The following CCDC92 variants were observed in gnomAD, a reference collection of about 807,000 sequenced individuals.
CCDC92 encodes coiled-coil domain-containing protein 92.
CCDC92 carries 12 observed loss-of-function variants against 24.9 expected under a neutral mutation model. The ratio of observed to expected loss-of-function variants is 0.48; its 90% confidence interval spans 0.31 to 0.78. The LOEUF (loss-of-function observed/expected upper bound fraction) is 0.78. Among genes scored for constraint, CCDC92 ranks in the 30% least tolerant of loss-of-function variants. The probability of loss-of-function intolerance (pLI) is 0.05; values close to 1 mark genes in which losing one functional copy is unlikely to be tolerated. For synonymous variants in CCDC92, 193 were observed against 196.3 expected (o/e 0.98, Z 0.14); for missense variants, 399 against 439.4 (o/e 0.91, Z 0.82).
At chr12:123,971,087 ATG>A (rs906805243) in intron 1 of CCDC92, among the ~76,000 whole-genome samples, 3 of 152,258 alleles carry the variant, frequency 2.0e-5, no homozygotes, top group East Asian at 3.8e-4. Flanking sequence ...TGTATTTAAA[ATG>A]TGTCACAGTA....
At chr12:123,947,567 C>G (rs1385563685) in intron 1 of CCDC92, among the ~76,000 whole-genome samples, 1 of 152,266 alleles carries the variant, frequency 6.6e-6, no homozygotes, top group South Asian at 2.1e-4. Context: ...ATGCACCAAT[C>G]GACACTCTGT....
intron 1 of CCDC92, among the ~76,000 whole-genome samples, chr12:123,951,074 G>T (rs1956013449): frequency 6.6e-6 from 1 of 152,102 alleles, no homozygotes; most frequent in Non-Finnish European, 1.5e-5. Context: ...CCTCTGTCTA[G>T]AACTCCCATG....
At chr12:123,958,237 G>C (rs1956195508) in intron 1 of CCDC92, among the ~76,000 whole-genome samples, 1 of 151,782 alleles carries the variant, frequency 6.6e-6, no homozygotes, top group South Asian at 2.1e-4. Flanking sequence ...ATTTTTAGTA[G>C]AGACGGGGTT....
At chr12:123,969,461 G>GTTTT (rs60485501) in intron 1 of CCDC92, among the ~76,000 whole-genome samples, 22 of 93,046 alleles carry the variant, frequency 2.4e-4, no homozygotes, top group African/African-American at 4.1e-4. Context: ...CTCTTATTCA[G>GTTTT]TTTTTTTTTT....
At chr12:123,969,262 T>C (rs563514567) in intron 1 of CCDC92, among the ~76,000 whole-genome samples, 1 of 152,310 alleles carries the variant, frequency 6.6e-6, no homozygotes, top group South Asian at 2.1e-4. Context: ...ATTCTACTTC[T>C]TGGCTTTGTT....
Position 123,937,968 on chromosome 12 carries a change from G to A in CCDC92, c.224-138C>T, listed in dbSNP as rs1955574280. 1 of 874,398 alleles carries A rather than the reference G, an allele frequency of 1.1e-6. No individual in the cohort carries two copies. The highest frequency in any genetic ancestry group is 2.5e-5 in the East Asian group (1 of 39,512). 54.2% of individuals were successfully genotyped at this position (874,398 alleles called of 1,614,324 possible). On this transcript the variant is annotated intron_variant, in intron 4 of 4. Transcript: ENST00000238156. The surrounding 1 kb of genome is among the most constrained non-coding windows in gnomAD (Gnocchi z 8.4). ...GCCATGCAGAAGGCAGGGCTGTGGG[G>A]GCTCTGGAAAGACCCCTCCCCTCCC...
chr12:123,958,759 C>T (rs925699303), intron 1 of CCDC92, among the ~76,000 whole-genome samples: 4 of 152,154 alleles, frequency 2.6e-5, no homozygotes, highest in Non-Finnish European at 5.9e-5. Flanking sequence ...GGAACTGAGG[C>T]GTAGAGAGCT....
chr12:123,940,061 C>G (rs35900211), intron 4 of CCDC92, among the ~76,000 whole-genome samples: 2,569 of 152,324 alleles, frequency 0.017, 27 homozygotes, highest in Non-Finnish European at 0.028. Flanking sequence ...TTTTCTTCCC[C>G]CAGGCAGTGC....
intron 1 of CCDC92, among the ~76,000 whole-genome samples, chr12:123,947,198 A>T (rs573679580): frequency 6.6e-6 from 1 of 152,280 alleles, no homozygotes; most frequent in African/African-American, 2.4e-5. Context: ...GCCTTCCCGC[A>T]GGGCAGGGCT....
At position 123,936,683 on chromosome 12, in the gene CCDC92, A is replaced by C; in HGVS notation, c.*375T>G. 4.2e-6 allele frequency: 1 copy of C among 239,368 alleles called. No individual in the cohort carries two copies. Among genetic ancestry groups the C allele is most frequent in the Non-Finnish European group, 8.1e-6 (1 of 123,004 alleles). 14.8% of individuals were successfully genotyped at this position (239,368 alleles called of 1,614,324 possible). ...CCAGGCTGCCCTGGAGCTTGAGGAT[A>C]AGGTCAAGGTTGGTATGTGTTGCTC... On this transcript the variant is annotated 3_prime_UTR_variant, in exon 5 of 5. Transcript: ENST00000238156.
chr12:123,957,315 T>C (rs960643488), intron 1 of CCDC92, among the ~76,000 whole-genome samples: 1 of 152,244 alleles, frequency 6.6e-6, no homozygotes, highest in Non-Finnish European at 1.5e-5. Context: ...AGAGTTTGAC[T>C]TCCCAGTTTT....
Position 123,944,340 on chromosome 12 carries a change from G to T in CCDC92, c.-35C>A, listed in dbSNP as rs778729657. The T allele has an allele frequency of 3.9e-6, 6 of 1,558,130 alleles. No individual in the cohort carries two copies. The Admixed American group carries it at 1.1e-4, about 27-fold the overall frequency. Reference sequence around the variant, plus strand: ...TGGAAAAGCTACCAGAGTAATTCAAGACGCTTGTACAGCACTGAAAAATAC... The same window carrying T: ...TGGAAAAGCTACCAGAGTAATTCAATACGCTTGTACAGCACTGAAAAATAC... On this transcript the variant is annotated 5_prime_UTR_variant, in exon 2 of 5. Coordinates refer to ENST00000238156, the MANE Select transcript of CCDC92 (RefSeq NM_025140.3).
At position 123,943,593 on chromosome 12, in the gene CCDC92, G is replaced by C. The variant is rs530504428; in HGVS notation, c.35-100C>G. 31 of 1,329,562 alleles carry C rather than the reference G, an allele frequency of 2.3e-5. No individual in the cohort carries two copies. The African/African-American group carries it at 3.7e-4, about 16-fold the overall frequency. The allele number at this position is 1,329,562 out of a possible 1,614,324, so 82.4% of individuals were successfully genotyped here. On this transcript the variant is annotated intron_variant, in intron 2 of 4. Coordinates refer to ENST00000238156, the MANE Select transcript of CCDC92 (RefSeq NM_025140.3). ...GCAGAGGGGTGTGCGCCTCCCAGGA[G>C]AGAGCAGAAGGAAACCACGGCTCCT...
chr12:123,949,538 G>A (rs1955970117), intron 1 of CCDC92, among the ~76,000 whole-genome samples: 1 of 152,216 alleles, frequency 6.6e-6, no homozygotes, highest in African/African-American at 2.4e-5. Flanking sequence ...AGCTCTGCTA[G>A]TTTTTCTCCC....
chr12:123,953,088 G>C (rs1020651645), intron 1 of CCDC92, among the ~76,000 whole-genome samples: 2 of 152,138 alleles, frequency 1.3e-5, no homozygotes, highest in Non-Finnish European at 2.9e-5. Context: ...GGCTTATTGT[G>C]ATAAAGTGGT....
intron 1 of CCDC92, among the ~76,000 whole-genome samples, chr12:123,949,146 GATGA>G (rs1594473411): frequency 6.6e-6 from 1 of 152,366 alleles, no homozygotes; most frequent in East Asian, 1.9e-4. Context: ...GTCTGCTGCA[GATGA>G]ATAACGCCGC....
rs768064944 is a variant in CCDC92, at chr12:123,943,454, T to C, written c.74A>G (p.Asn25Ser). ...DVSMAATNLENQLHSAQKNLL... is the reference protein window; with the variant it reads ...DVSMAATNLESQLHSAQKNLL... ...GTTCTTCTGTGCGCTGTGCAGCTGG[T>C]TCTCCAGGTTTGTGGCTGCCATGCT... The change falls in exon 3 of 5, where the codon AAC (asparagine) becomes AGC (serine). Residue 25 changes from asparagine to serine, a missense_variant. Coordinates refer to ENST00000238156, the MANE Select transcript of CCDC92 (RefSeq NM_025140.3). The C allele has an allele frequency of 5.0e-6, 8 of 1,614,100 alleles. No individual in the cohort carries two copies. The highest frequency in any genetic ancestry group is 5.1e-6 in the Non-Finnish European group (6 of 1,180,044).
chr12:123,967,347 T>G (rs998699313), intron 1 of CCDC92, among the ~76,000 whole-genome samples: 3 of 152,216 alleles, frequency 2.0e-5, no homozygotes, highest in African/African-American at 7.2e-5. Flanking sequence ...TGCTATGTTC[T>G]TATCTATGGG....
intron 1 of CCDC92, among the ~76,000 whole-genome samples, chr12:123,963,031 ATCTGGCGATG>A (rs1956310280): frequency 6.6e-6 from 1 of 152,164 alleles, no homozygotes; most frequent in Non-Finnish European, 1.5e-5. Context: ...CCCAGGGGGC[ATCTGGCGATG>A]TCTGGAGATG....
Sources: allele counts gnomAD v4.1 joint callset (sites outside exome capture counted in the v4.1 genomes callset), GRCh38; gene constraint gnomAD v4.1.1; non-coding constraint Gnocchi (gnomAD v3.1); transcripts MANE v1.5; gene names NCBI Gene and HGNC (gene_info 2026-07-23, HGNC 2026-07-21).